Variants in MPRIP observed in about 807,000 individuals in gnomAD.
The protein encoded by MPRIP is myosin phosphatase Rho interacting protein, also known as myosin phosphatase Rho-interacting protein.
A neutral mutation model predicts 234.9 loss-of-function variants in MPRIP; 59 were observed. The ratio of observed to expected loss-of-function variants is 0.25; its 90% CI spans 0.20 to 0.31. MPRIP has a LOEUF of 0.31. Among genes scored for constraint, MPRIP ranks in the 10% least tolerant of loss-of-function variants. The probability of loss-of-function intolerance (pLI) is 1.00; values close to 1 mark genes in which losing one functional copy is unlikely to be tolerated. For missense variants in MPRIP, 2,436 were observed against 3,071.0 expected (o/e 0.79, Z 4.89); for synonymous variants, 1,144 against 1,263.9 (o/e 0.91, Z 2.01).
chr17:17,170,914 A>G (rs533303961), intron 16 of MPRIP: 15 of 152,312 alleles, frequency 9.8e-5, no homozygotes, highest in Admixed American at 2.0e-4. Flanking sequence ...GGGCATGCCT[A>G]TGTCGCTCTA....
rs986010486 is a variant in MPRIP at position 17,190,245 on chromosome 17, G to A, written c.*5351G>A. 1 of 152,234 alleles carries A rather than the reference G, an allele frequency of 6.6e-6. No individual in the cohort carries two copies. Among genetic ancestry groups the A allele is most frequent in the Non-Finnish European group, 1.5e-5 (1 of 68,040 alleles). The allele number at this position is 152,234 out of a possible 1,614,324, so 9.4% of individuals were successfully genotyped here. ...TGAACGGTCATCTTCACATCGAAAG[G>A]TGAAGGCCACCACTGTTCTCAATGC... On this transcript the variant is annotated 3_prime_UTR_variant, in exon 24 of 24. Coordinates refer to ENST00000651222, the MANE Select transcript of MPRIP (RefSeq NM_001364716.4).
chr17:17,079,490 T>C (rs1166952794), intron 3 of MPRIP, among the ~76,000 whole-genome samples: 1 of 152,220 alleles, frequency 6.6e-6, no homozygotes, highest in African/African-American at 2.4e-5. Flanking sequence ...CTTCGTGTTC[T>C]CCTGGCTTAG....
At chr17:17,096,770 G>T (rs577886981) in intron 3 of MPRIP, 2 of 471,062 alleles carry the variant, frequency 4.2e-6, no homozygotes, top group Non-Finnish European at 8.8e-6. Context: ...CACTCCAGAT[G>T]TCTTCCCAGT....
intron 3 of MPRIP, among the ~76,000 whole-genome samples, chr17:17,104,623 C>A (rs1056170834): frequency 6.6e-6 from 1 of 152,204 alleles, no homozygotes; most frequent in East Asian, 1.9e-4. Context: ...AGCAGAGTAC[C>A]TGTCCTGTGT....
chr17:17,063,579 C>T (rs777564581), intron 1 of MPRIP, among the ~76,000 whole-genome samples: 50 of 152,194 alleles, frequency 3.3e-4, no homozygotes, highest in Non-Finnish European at 3.7e-4. Flanking sequence ...CTGTCTGCAT[C>T]GACTGTTTGA....
In MPRIP at chr17:17,165,387, G is replaced by A. The variant is rs1254970171; in HGVS notation, c.3796G>A (p.Glu1266Lys). ...CCTCCCACACACAAGGCTCGAGGAT[G>A]AGGACGAGGACCTGGGGGCTCCTCC... ...LGLPHTRLED[E>K]DEDLGAPPGE... Residue 1266 changes from glutamate to lysine, a missense_variant, in exon 16 of 24, where the codon GAG (glutamate) becomes AAG (lysine). By Grantham distance (56) the Glu-to-Lys change is moderately conservative. Around this residue, in one of 4 missense-constraint regions of MPRIP, gnomAD observed 1,998 missense variants for 2,520.3 expected, o/e 0.79. Coordinates refer to ENST00000651222, the MANE Select transcript of MPRIP (RefSeq NM_001364716.4). The A allele has an allele frequency of 1.1e-5, 14 of 1,304,202 alleles. No individual in the cohort carries two copies. In the South Asian group the frequency reaches 1.7e-4, roughly 16 times the overall value. The allele number at this position is 1,304,202 out of a possible 1,614,324, so 80.8% of individuals were successfully genotyped here.
chr17:17,173,588 A>C (rs942684872), intron 18 of MPRIP, among the ~76,000 whole-genome samples: 1 of 152,212 alleles, frequency 6.6e-6, no homozygotes, highest in Non-Finnish European at 1.5e-5. Context: ...AGATGGCTTC[A>C]AAAGTGGGTT....
intron 14 of MPRIP, among the ~76,000 whole-genome samples, chr17:17,160,492 T>C (rs925442932): frequency 6.6e-6 from 1 of 152,150 alleles, no homozygotes; most frequent in African/African-American, 2.4e-5. Context: ...TGGGAGCAGG[T>C]TGGGTAGCCC....
chr17:17,043,942 G>A (rs1220043050), intron 1 of MPRIP, among the ~76,000 whole-genome samples: 1 of 152,178 alleles, frequency 6.6e-6, no homozygotes, highest in Non-Finnish European at 1.5e-5. Context: ...CCAGTCCAGT[G>A]TGACCTAGTT....
chr17:17,171,622 C>G (rs2046136648), intron 16 of MPRIP, 96 bp from the exon 17 acceptor site: 1 of 1,480,804 alleles, frequency 6.8e-7, no homozygotes, highest in African/African-American at 1.4e-5. Flanking sequence ...CACAGCTGGG[C>G]CTGGACAGGG....
chr17:17,133,647 C>G (rs943314373), intron 5 of MPRIP, among the ~76,000 whole-genome samples: 2 of 152,210 alleles, frequency 1.3e-5, no homozygotes, highest in Admixed American at 1.3e-4. Context: ...TAAGAATCAG[C>G]TTCTCCCCTT....
At chr17:17,055,656 C>T (rs941312917) in intron 1 of MPRIP, among the ~76,000 whole-genome samples, 4 of 152,224 alleles carry the variant, frequency 2.6e-5, no homozygotes, top group Non-Finnish European at 2.9e-5. Context: ...GATGTCACCT[C>T]GGCAGACAGC....
chr17:17,054,848 G>A (rs2088645538), intron 1 of MPRIP, among the ~76,000 whole-genome samples: 1 of 151,968 alleles, frequency 6.6e-6, no homozygotes, highest in Non-Finnish European at 1.5e-5. Flanking sequence ...CCAGGAGTTC[G>A]AGATCAGCCT....
intron 1 of MPRIP, among the ~76,000 whole-genome samples, chr17:17,063,202 T>C (rs964605872): frequency 2.6e-5 from 4 of 152,198 alleles, no homozygotes; most frequent in African/African-American, 9.7e-5. Context: ...CCAGCAGCAC[T>C]CAGAGCTGTT....
rs993971348 is a variant in MPRIP, at chr17:17,175,467, G to A, written c.6870+55G>A. The stretch of plus-strand genomic sequence containing the variant: ...TCAGCTCTGCACCCAGGAACCCCAG[G>A]GGAGTGCAGCATGGCCCCTGTCTTA... On this transcript the variant is annotated intron_variant, in intron 20 of 23. Transcript: ENST00000651222. 6.0e-6 allele frequency: 9 copies of A among 1,510,854 alleles called. No individual in the cohort carries two copies. In the African/African-American group the frequency reaches 1.1e-4, roughly 19 times the overall value. 93.6% of individuals were successfully genotyped at this position (1,510,854 alleles called of 1,614,324 possible).
At chr17:17,106,041 C>T (rs917268085) in intron 3 of MPRIP, among the ~76,000 whole-genome samples, 1 of 152,218 alleles carries the variant, frequency 6.6e-6, no homozygotes, top group African/African-American at 2.4e-5. Flanking sequence ...GTACCATGAT[C>T]AGGATCTTCC....
intron 13 of MPRIP, among the ~76,000 whole-genome samples, chr17:17,156,670 T>G (rs1196155919): frequency 6.6e-6 from 1 of 152,166 alleles, no homozygotes; most frequent in Admixed American, 6.6e-5. Flanking sequence ...CTGGTGTGGC[T>G]GTGACTTTGG....
chr17:17,120,584 G>A (rs2090370490), intron 3 of MPRIP, among the ~76,000 whole-genome samples: 1 of 152,152 alleles, frequency 6.6e-6, no homozygotes, highest in South Asian at 2.1e-4. Context: ...GGGGTAGGGT[G>A]GAGCCCAGAA....
intron 2 of MPRIP, 176 bp from the exon 3 acceptor site, chr17:17,077,835 G>T: frequency 1.6e-6 from 1 of 629,734 alleles, no homozygotes; most frequent in African/African-American, 1.8e-5. Context: ...AGTCCTGGCT[G>T]ATGAATCAAC....
Sources: gnomAD v4.1 joint callset for allele counts (sites outside exome capture counted in the v4.1 genomes callset) on GRCh38, gnomAD v4.1.1 for gene constraint, gnomAD v4.1.1 regional missense constraint, MANE v1.5 for transcripts, NCBI Gene and HGNC (gene_info 2026-07-23, HGNC 2026-07-21) for gene names.